Variants in RIMS1 observed in about 807,000 individuals in gnomAD.
The protein encoded by RIMS1 is regulating synaptic membrane exocytosis protein 1.
Under a neutral mutation model 214.1 loss-of-function variants are expected in RIMS1, and 83 were observed. That is an observed-to-expected ratio of 0.39 (90% CI 0.32 to 0.47). The LOEUF is 0.47. Among genes scored for constraint, RIMS1 ranks in the 20% least tolerant of loss-of-function variants. The pLI is 0.99. For synonymous variants in RIMS1, 793 were observed against 786.8 expected (o/e 1.01, Z -0.13); for missense variants, 2,050 against 2,161.8 (o/e 0.95, Z 1.03).
At chr6:72,236,263 A>G (rs951163715) in intron 8 of RIMS1, among the ~76,000 whole-genome samples, 4 of 152,188 alleles carry the variant, frequency 2.6e-5, no homozygotes, top group Admixed American at 2.0e-4. Context: ...AAAATATTCT[A>G]TAATAAAACT....
intron 1 of RIMS1, among the ~76,000 whole-genome samples, chr6:71,935,382 G>C (rs1784141181): frequency 6.6e-6 from 1 of 152,120 alleles, no homozygotes; most frequent in South Asian, 2.1e-4. Context: ...CCTGATTTAA[G>C]TGTTATGAAG....
At chr6:71,921,178 G>T (rs1365705478) in intron 1 of RIMS1, among the ~76,000 whole-genome samples, 1 of 151,944 alleles carries the variant, frequency 6.6e-6, no homozygotes. Context: ...ACCCAGGCTG[G>T]AGTGCAGTCT....
At chr6:72,122,597 G>A (rs1013105964) in intron 4 of RIMS1, among the ~76,000 whole-genome samples, 1 of 151,856 alleles carries the variant, frequency 6.6e-6, no homozygotes, top group South Asian at 2.1e-4. Flanking sequence ...CTGTGAATTT[G>A]TCTGGTCCTG....
intron 6 of RIMS1, among the ~76,000 whole-genome samples, chr6:72,232,640 CA>C (rs1403393252): frequency 1.3e-5 from 2 of 151,598 alleles, no homozygotes; most frequent in Non-Finnish European, 3.0e-5. Context: ...CTGTAATCTA[CA>C]TGAACATTTG....
chr6:71,924,807 CAAAAAAA>C (rs10652071), intron 1 of RIMS1, among the ~76,000 whole-genome samples: 2 of 62,080 alleles, frequency 3.2e-5, no homozygotes, highest in Admixed American at 4.4e-4. Flanking sequence ...ACCCTGTCTC[CAAAAAAA>C]AAAAAAAAAA....
At chr6:72,043,787 G>A (rs954845006) in intron 2 of RIMS1, among the ~76,000 whole-genome samples, 16 of 151,616 alleles carry the variant, frequency 1.1e-4, no homozygotes, top group African/African-American at 3.4e-4. Context: ...CTCTGAAGAA[G>A]CATGGAATCA....
chr6:71,950,737 A>AT (rs1303672615), intron 1 of RIMS1, among the ~76,000 whole-genome samples: 2 of 152,144 alleles, frequency 1.3e-5, no homozygotes, highest in African/African-American at 2.4e-5. Context: ...CTCCAGAAAC[A>AT]TTTTTTTCCG....
At chr6:72,230,447 A>G (rs1428140610) in intron 6 of RIMS1, among the ~76,000 whole-genome samples, 1 of 151,606 alleles carries the variant, frequency 6.6e-6, no homozygotes, top group Non-Finnish European at 1.5e-5. Context: ...TGCTAAATAG[A>G]TATTTAATAT....
intron 2 of RIMS1, among the ~76,000 whole-genome samples, chr6:72,015,753 T>C (rs929187460): frequency 1.3e-5 from 2 of 152,022 alleles, no homozygotes; most frequent in Admixed American, 1.3e-4. Flanking sequence ...GGTGAAACCC[T>C]GTCTCTACTA....
At chr6:72,101,057 G>T (rs540630965) in intron 4 of RIMS1, among the ~76,000 whole-genome samples, 2 of 152,054 alleles carry the variant, frequency 1.3e-5, no homozygotes, top group African/African-American at 4.8e-5. Context: ...CTTTGGATGA[G>T]TTCACAGTTG....
chr6:72,239,790 C>A (rs1263650293), intron 9 of RIMS1, among the ~76,000 whole-genome samples: 1 of 152,118 alleles, frequency 6.6e-6, no homozygotes, highest in Non-Finnish European at 1.5e-5. Flanking sequence ...GTAGCCTTGT[C>A]CTCTACTAAC....
intron 1 of RIMS1, among the ~76,000 whole-genome samples, chr6:71,922,336 C>T (rs1350347270): frequency 6.6e-6 from 1 of 152,160 alleles, no homozygotes; most frequent in East Asian, 1.9e-4. Flanking sequence ...CTCTCATCTC[C>T]TGGTAACTCT....
At chr6:72,207,134 G>A (rs1284651665) in intron 6 of RIMS1, among the ~76,000 whole-genome samples, 1 of 152,164 alleles carries the variant, frequency 6.6e-6, no homozygotes, top group Non-Finnish European at 1.5e-5. Flanking sequence ...TGGCCTTTAT[G>A]TTATTTGGTT....
chr6:72,103,279 A>C (rs141004941), intron 4 of RIMS1, among the ~76,000 whole-genome samples: 11 of 152,202 alleles, frequency 7.2e-5, no homozygotes, highest in African/African-American at 2.4e-4. Context: ...TTTAATGACA[A>C]ATCTATTTTT....
intron 2 of RIMS1, among the ~76,000 whole-genome samples, chr6:72,041,589 T>C (rs1821446956): frequency 6.6e-6 from 1 of 151,922 alleles, no homozygotes; most frequent in Non-Finnish European, 1.5e-5. Context: ...ACTGCTGCTA[T>C]TACTCTCTCT....
At chr6:72,049,884 G>A (rs1046062608) in intron 2 of RIMS1, among the ~76,000 whole-genome samples, 4 of 152,074 alleles carry the variant, frequency 2.6e-5, no homozygotes, top group African/African-American at 4.8e-5. Context: ...CACATTGAGT[G>A]AGTAAGTATA....
intron 22 of RIMS1, among the ~76,000 whole-genome samples, chr6:72,269,098 G>A (rs930413227): frequency 6.6e-6 from 1 of 152,098 alleles, no homozygotes; most frequent in African/African-American, 2.4e-5. Context: ...TATCCTTGAT[G>A]AAGGCTTATG....
intron 28 of RIMS1, among the ~76,000 whole-genome samples, chr6:72,325,442 A>G (rs1428336298): frequency 6.6e-6 from 1 of 151,004 alleles, no homozygotes; most frequent in Non-Finnish European, 1.5e-5. Context: ...AGAACCTAGA[A>G]GTCTATATAA....
At position 72,290,555 on chromosome 6, in the gene RIMS1, T is replaced by C. The variant is rs1401018305; in HGVS notation, c.3555-124T>C. The stretch of plus-strand genomic sequence containing the variant: ...GAATTCCATTTCAATAATTGCGTGA[T>C]GGGTTCTCTTCTTTGAAATTACTGT... On this transcript the variant is annotated intron_variant, in intron 24 of 33. Coordinates refer to ENST00000521978, the MANE Select transcript of RIMS1 (RefSeq NM_014989.7). The C allele has an allele frequency of 1.1e-5, 8 of 739,156 alleles. No individual in the cohort carries two copies. In the Admixed American group the frequency reaches 1.2e-4, roughly 11 times the overall value. The allele number at this position is 739,156 out of a possible 1,614,324, so 45.8% of individuals were successfully genotyped here. A position where few individuals can be genotyped will look rare whatever the true frequency, so the allele number is the denominator to read the frequency against.
Sources: allele counts gnomAD v4.1 joint callset (sites outside exome capture counted in the v4.1 genomes callset), GRCh38; gene constraint gnomAD v4.1.1; transcripts MANE v1.5; gene names NCBI Gene and HGNC (gene_info 2026-07-23, HGNC 2026-07-21).